The following PDE4B variants were observed in gnomAD, a reference collection of about 807,000 sequenced individuals.
PDE4B encodes the protein 3',5'-cyclic-AMP phosphodiesterase 4B.
In PDE4B, 20 loss-of-function variants were observed where a neutral mutation model predicts 82.2. That is an observed-to-expected ratio of 0.24 (90% CI 0.17 to 0.35). The LOEUF is 0.35. Ranked by LOEUF, PDE4B falls within the 10% of genes least tolerant of loss-of-function variation. The pLI is 1.00. For synonymous variants in PDE4B, 320 were observed against 318.9 expected (o/e 1.00, Z -0.04); for missense variants, 655 against 907.2 (o/e 0.72, Z 3.57).
chr1:66,150,925 C>T (rs920054484), intron 3 of PDE4B, among the ~76,000 whole-genome samples: 1 of 152,096 alleles, frequency 6.6e-6, no homozygotes, highest in African/African-American at 2.4e-5. Context: ...GCTGCTGTAT[C>T]CAATTCGCTA....
At chr1:66,092,621 T>A (rs1645046248) in intron 3 of PDE4B, among the ~76,000 whole-genome samples, 1 of 152,024 alleles carries the variant, frequency 6.6e-6, no homozygotes, top group Admixed American at 6.6e-5. Context: ...AAAGACAAGA[T>A]ACTGTAAACA....
chr1:65,980,893 G>A (rs1477007733), intron 3 of PDE4B, among the ~76,000 whole-genome samples: 3 of 152,064 alleles, frequency 2.0e-5, no homozygotes, highest in East Asian at 3.9e-4. Context: ...ATTAGAATTT[G>A]GTCTCTTGCC....
intron 1 of PDE4B, among the ~76,000 whole-genome samples, chr1:65,831,801 G>T (rs1221398150): frequency 1.3e-5 from 2 of 152,140 alleles, no homozygotes; most frequent in Non-Finnish European, 2.9e-5. Flanking sequence ...CAATATGTAA[G>T]TGTGAGACTC....
chr1:66,187,572 G>A (rs1489050885), intron 3 of PDE4B, among the ~76,000 whole-genome samples: 10 of 152,252 alleles, frequency 6.6e-5, no homozygotes, highest in South Asian at 2.1e-4. Flanking sequence ...GAGGGCATAT[G>A]TGTCGAAGAA....
chr1:66,264,051 T>C (rs981295947), intron 6 of PDE4B, among the ~76,000 whole-genome samples: 1 of 152,212 alleles, frequency 6.6e-6, no homozygotes, highest in Non-Finnish European at 1.5e-5. Flanking sequence ...GCTCACATAA[T>C]GTTTACATTT....
At chr1:66,371,124 AT>A (rs2050758465) in intron 16 of PDE4B, among the ~76,000 whole-genome samples, 1 of 125,968 alleles carries the variant, frequency 7.9e-6, no homozygotes, top group African/African-American at 3.0e-5. Flanking sequence ...ATATATATAT[AT>A]ATATATATAA....
intron 1 of PDE4B, among the ~76,000 whole-genome samples, chr1:65,906,925 G>A (rs991923304): frequency 1.3e-5 from 2 of 152,176 alleles, no homozygotes; most frequent in Middle Eastern, 3.4e-3. Context: ...CTCAGGATAA[G>A]CTAATGGTTT....
intron 1 of PDE4B, among the ~76,000 whole-genome samples, chr1:65,802,676 A>G (rs990589282): frequency 3.9e-5 from 6 of 152,174 alleles, no homozygotes; most frequent in African/African-American, 1.4e-4. Context: ...CTTTTAAAAT[A>G]TTTGCGGTGT....
intron 3 of PDE4B, among the ~76,000 whole-genome samples, chr1:66,033,398 C>T (rs1490319810): frequency 6.6e-6 from 1 of 152,174 alleles, no homozygotes; most frequent in African/African-American, 2.4e-5. Flanking sequence ...CATGTGTTGC[C>T]TGGCTCAGGT....
chr1:65,975,762 G>A (rs914152097), intron 3 of PDE4B, among the ~76,000 whole-genome samples: 1 of 152,234 alleles, frequency 6.6e-6, no homozygotes, highest in South Asian at 2.1e-4. Context: ...TGCTTCAGGG[G>A]GAGTAAGCCC....
At chr1:66,266,661 T>C in intron 7 of PDE4B, 2 of 519,752 alleles carry the variant, frequency 3.8e-6, no homozygotes, top group Non-Finnish European at 7.9e-6. Flanking sequence ...ACCTAACCTC[T>C]CATCTTTCAG....
chr1:65,818,685 C>CACATATATATATAT (rs141035147), intron 1 of PDE4B, among the ~76,000 whole-genome samples: 56 of 143,772 alleles, frequency 3.9e-4, no homozygotes, highest in East Asian at 2.5e-3. Context: ...CACACACACA[C>CACATATATATATAT]ATATATATAT....
At chr1:66,212,586 A>G (rs905887118) in intron 3 of PDE4B, among the ~76,000 whole-genome samples, 25 of 152,116 alleles carry the variant, frequency 1.6e-4, no homozygotes, top group Admixed American at 1.4e-3. Context: ...TATACTATAT[A>G]ATTTACTTAC....
At chr1:66,088,005 AC>A (rs1306887710) in intron 3 of PDE4B, among the ~76,000 whole-genome samples, 11 of 151,972 alleles carry the variant, frequency 7.2e-5, no homozygotes, top group Middle Eastern at 3.4e-3. Flanking sequence ...GTACCCTAAA[AC>A]TTAAAGTATA....
chr1:66,051,389 C>A (rs905158749), intron 3 of PDE4B, among the ~76,000 whole-genome samples: 12 of 151,894 alleles, frequency 7.9e-5, no homozygotes, highest in African/African-American at 2.9e-4. Flanking sequence ...TAGGAGAGAA[C>A]CAAATTCAAA....
rs183369761 is a variant in PDE4B at position 66,090,850 on chromosome 1, C to T, written c.282-156610C>T. ...GAGAAAGAGGCAAGGACTTCTTTTACGCTGTATGACGGGAACTAGAGAATG... is the reference window on the plus strand; with the variant it reads ...GAGAAAGAGGCAAGGACTTCTTTTATGCTGTATGACGGGAACTAGAGAATG... On this transcript the variant is annotated intron_variant, in intron 3 of 16. Coordinates refer to ENST00000341517, the MANE Select transcript of PDE4B (RefSeq NM_002600.4). Among the ~76,000 whole-genome samples, 68 of 151,678 alleles carry T rather than the reference C, an allele frequency of 4.5e-4. No individual in the cohort carries two copies. The South Asian group carries it at 5.6e-3, about 13-fold the overall frequency.
intron 9 of PDE4B, among the ~76,000 whole-genome samples, chr1:66,359,898 A>G (rs1490533620): frequency 6.6e-6 from 1 of 152,206 alleles, no homozygotes; most frequent in African/African-American, 2.4e-5. Flanking sequence ...GTTCTATGCT[A>G]CTAAATCACT....
chr1:66,128,657 C>G (rs1379806366), intron 3 of PDE4B, among the ~76,000 whole-genome samples: 3 of 152,064 alleles, frequency 2.0e-5, no homozygotes, highest in Non-Finnish European at 2.9e-5. Context: ...ATCTATTAGT[C>G]CATTTTCACA....
chr1:66,196,357 C>T (rs935052707), intron 3 of PDE4B, among the ~76,000 whole-genome samples: 5 of 152,192 alleles, frequency 3.3e-5, no homozygotes, highest in African/African-American at 1.2e-4. Context: ...CATCAACAGT[C>T]TACAGAGCTG....
Sources: gnomAD v4.1 joint callset for allele counts (sites outside exome capture counted in the v4.1 genomes callset) on GRCh38, gnomAD v4.1.1 for gene constraint, MANE v1.5 for transcripts, NCBI Gene and HGNC (gene_info 2026-07-23, HGNC 2026-07-21) for gene names.